The following MED27 variants were observed in gnomAD, a reference collection of about 807,000 sequenced individuals.
MED27 encodes mediator of RNA polymerase II transcription subunit 27.
In MED27, 30 loss-of-function variants were observed where a neutral mutation model predicts 38.2. That is an observed-to-expected ratio of 0.79 (90% CI 0.59 to 1.07). The LOEUF is 1.07. Among genes scored for constraint, MED27 ranks in the 50% least tolerant of loss-of-function variants. MED27 has a pLI of 0.00. For missense variants in MED27, 289 were observed against 397.5 expected (o/e 0.73, Z 2.32); for synonymous variants, 122 against 153.5 (o/e 0.79, Z 1.52).
At chr9:131,971,265 A>G (rs1831469576) in intron 3 of MED27, among the ~76,000 whole-genome samples, 1 of 152,238 alleles carries the variant, frequency 6.6e-6, no homozygotes, top group African/African-American at 2.4e-5. Flanking sequence ...CACTGTGAAG[A>G]GAGCACAGCT....
intron 3 of MED27, among the ~76,000 whole-genome samples, chr9:132,008,609 AG>A (rs1832414665): frequency 6.6e-6 from 1 of 152,214 alleles, no homozygotes; most frequent in African/African-American, 2.4e-5. Context: ...GAGCTCAGGG[AG>A]GAATCTGAGT....
chr9:132,064,915 G>A (rs1372747649), intron 2 of MED27, among the ~76,000 whole-genome samples: 4 of 152,088 alleles, frequency 2.6e-5, no homozygotes, highest in African/African-American at 9.7e-5. Context: ...CAAGCAGTAG[G>A]GCCAGAAATT....
At chr9:132,020,416 A>T (rs1832692948) in intron 2 of MED27, among the ~76,000 whole-genome samples, 2 of 152,126 alleles carry the variant, frequency 1.3e-5, no homozygotes, top group African/African-American at 4.8e-5. Flanking sequence ...CACTGTGTAC[A>T]CCTGAATCAA....
intron 6 of MED27, chr9:131,868,795 C>T (rs1300679426): frequency 6.1e-6 from 6 of 985,470 alleles, no homozygotes; most frequent in Non-Finnish European, 7.2e-6. Context: ...TCTCCCAGGG[C>T]AGGTAAGTCT....
At chr9:131,881,144 C>T (rs1192655669) in intron 6 of MED27, among the ~76,000 whole-genome samples, 1 of 152,164 alleles carries the variant, frequency 6.6e-6, no homozygotes, top group East Asian at 1.9e-4. Flanking sequence ...ATGTTCTTCA[C>T]TATTAAAGCA....
At chr9:131,947,343 T>C (rs1213302080) in intron 3 of MED27, among the ~76,000 whole-genome samples, 2 of 152,134 alleles carry the variant, frequency 1.3e-5, no homozygotes, top group Admixed American at 1.3e-4. Context: ...CCAGAATCCC[T>C]GCATGTGTTT....
At chr9:131,968,569 T>C (rs1486927740) in intron 3 of MED27, among the ~76,000 whole-genome samples, 7 of 151,746 alleles carry the variant, frequency 4.6e-5, no homozygotes, top group Admixed American at 4.6e-4. Flanking sequence ...CATGCAGAGA[T>C]AGGCCCAAGG....
At chr9:132,060,394 T>A (rs1833671870) in intron 2 of MED27, among the ~76,000 whole-genome samples, 1 of 152,184 alleles carries the variant, frequency 6.6e-6, no homozygotes, top group African/African-American at 2.4e-5. Context: ...CAGATATCCC[T>A]GTCATAAGGC....
chr9:132,009,942 G>A (rs572197311), intron 3 of MED27, among the ~76,000 whole-genome samples: 1 of 152,328 alleles, frequency 6.6e-6, no homozygotes, highest in South Asian at 2.1e-4. Context: ...ATTTGTTTGA[G>A]TTCTTTGTAG....
intron 2 of MED27, among the ~76,000 whole-genome samples, chr9:132,028,674 T>C (rs773186984): frequency 4.6e-5 from 7 of 152,174 alleles, no homozygotes; most frequent in Non-Finnish European, 8.8e-5. Flanking sequence ...AGAGGTGTCA[T>C]TGGAGATACC....
At chr9:132,010,981 T>C (rs1251153921) in intron 3 of MED27, among the ~76,000 whole-genome samples, 1 of 152,124 alleles carries the variant, frequency 6.6e-6, no homozygotes, top group East Asian at 1.9e-4. Context: ...TGTATACATA[T>C]GTAACAAACC....
At chr9:131,910,674 C>T (rs145800478) in intron 4 of MED27, among the ~76,000 whole-genome samples, 209 of 152,286 alleles carry the variant, frequency 1.4e-3, no homozygotes, top group African/African-American at 5.0e-3. Context: ...AGAAAGCTTC[C>T]ATCTAAACAA....
At chr9:131,929,134 C>A (rs1433924811) in intron 4 of MED27, among the ~76,000 whole-genome samples, 1 of 152,204 alleles carries the variant, frequency 6.6e-6, no homozygotes, top group Non-Finnish European at 1.5e-5. Flanking sequence ...GGAATCTGCT[C>A]CCTTGAAGGG....
chr9:132,026,711 G>A (rs1315191048), intron 2 of MED27, among the ~76,000 whole-genome samples: 3 of 152,156 alleles, frequency 2.0e-5, no homozygotes, highest in Non-Finnish European at 4.4e-5. Flanking sequence ...CCCCGTAGGA[G>A]TAGATATCTC....
At chr9:131,912,559 A>T (rs1324915994) in intron 4 of MED27, among the ~76,000 whole-genome samples, 1 of 152,126 alleles carries the variant, frequency 6.6e-6, no homozygotes, top group Non-Finnish European at 1.5e-5. Context: ...CGAGTCTGGA[A>T]CCCACTGAAC....
chr9:132,079,510 G>A, intron 1 of MED27, 132 bp downstream of exon 1: 4 of 815,538 alleles, frequency 4.9e-6, no homozygotes, highest in Non-Finnish European at 6.0e-6. Flanking sequence ...CAGAGGCTTG[G>A]AGAACAAGAA....
intron 3 of MED27, among the ~76,000 whole-genome samples, chr9:131,996,013 G>C (rs918755669): frequency 6.6e-6 from 1 of 152,154 alleles, no homozygotes; most frequent in Non-Finnish European, 1.5e-5. Flanking sequence ...TGCAGAGTTA[G>C]AGATCCTGGT....
chr9:132,015,668 T>C (rs1027903646), intron 2 of MED27, among the ~76,000 whole-genome samples: 3 of 152,206 alleles, frequency 2.0e-5, no homozygotes, highest in Non-Finnish European at 4.4e-5. Flanking sequence ...ATTTAAAATA[T>C]AACTCATCAT....
chr9:131,998,032 A>G (rs1832130825), intron 3 of MED27, among the ~76,000 whole-genome samples: 1 of 152,184 alleles, frequency 6.6e-6, no homozygotes, highest in Non-Finnish European at 1.5e-5. Flanking sequence ...AAGCACTGCT[A>G]ACAGGGCAGA....
Sources: allele counts gnomAD v4.1 joint callset (sites outside exome capture counted in the v4.1 genomes callset), GRCh38; gene constraint gnomAD v4.1.1; transcripts MANE v1.5; gene names NCBI Gene and HGNC (gene_info 2026-07-23, HGNC 2026-07-21).